RCBTB1: variants seen among roughly 807,000 people sequenced by gnomAD.
RCBTB1 encodes RCC1 and BTB domain containing protein 1, also known as RCC1 and BTB domain-containing protein 1.
Under a neutral mutation model 62.4 loss-of-function variants are expected in RCBTB1, and 46 were observed. The ratio of observed to expected loss-of-function variants is 0.74; its 90% CI spans 0.58 to 0.94. The LOEUF is 0.94. Ranked by LOEUF, RCBTB1 falls within the 40% of genes least tolerant of loss-of-function variation. The probability of loss-of-function intolerance (pLI) is 0.00; values close to 1 mark genes in which losing one functional copy is unlikely to be tolerated. For synonymous variants in RCBTB1, 222 were observed against 245.8 expected (o/e 0.90, Z 0.91); for missense variants, 565 against 654.9 (o/e 0.86, Z 1.50).
chr13:49,555,354 A>C (rs1961756325), intron 6 of RCBTB1, among the ~76,000 whole-genome samples, 161 bp downstream of exon 6: 1 of 152,230 alleles, frequency 6.6e-6, no homozygotes, highest in African/African-American at 2.4e-5. Flanking sequence ...ACTGAGGAGC[A>C]AAAAACCTCC....
chr13:49,555,491 G>A, intron 6 of RCBTB1, 24 bp downstream of exon 6: 2 of 1,600,676 alleles, frequency 1.2e-6, no homozygotes, highest in Non-Finnish European at 1.7e-6. Flanking sequence ...GGTAGAAAGG[G>A]AAATGGGAGT....
intron 10 of RCBTB1, among the ~76,000 whole-genome samples, chr13:49,544,268 G>C (rs1270604004): frequency 1.3e-5 from 2 of 152,106 alleles, no homozygotes; most frequent in Non-Finnish European, 2.9e-5. Context: ...TCGGGAGTTC[G>C]AGACCAACCT....
intron 4 of RCBTB1, among the ~76,000 whole-genome samples, chr13:49,565,924 A>G (rs1962956400): frequency 6.6e-6 from 1 of 151,490 alleles, no homozygotes; most frequent in Non-Finnish European, 1.5e-5. Flanking sequence ...ACTAAGAAAA[A>G]TTCTTCTGCC....
At chr13:49,578,099 A>C (rs2137384951) in intron 2 of RCBTB1, among the ~76,000 whole-genome samples, 1 of 152,346 alleles carries the variant, frequency 6.6e-6, no homozygotes, top group East Asian at 1.9e-4. Flanking sequence ...GTCCCTCAGT[A>C]TCTGTGGGGG....
chr13:49,583,435 A>C (rs897156567), intron 1 of RCBTB1, among the ~76,000 whole-genome samples: 1 of 151,950 alleles, frequency 6.6e-6, no homozygotes, highest in African/African-American at 2.4e-5. Context: ...TCTAACACAC[A>C]GTTGACTTAT....
chr13:49,570,410 T>C (rs11148150), intron 2 of RCBTB1, among the ~76,000 whole-genome samples: 34,136 of 152,082 alleles, frequency 0.22, 4,724 homozygotes, highest in East Asian at 0.55. Flanking sequence ...ATTCAAGAAA[T>C]AGGTCATGTA....
At chr13:49,544,888 T>C (rs1960676756) in intron 9 of RCBTB1, 25 bp from the exon 10 acceptor site, 8 of 1,594,244 alleles carry the variant, frequency 5.0e-6, no homozygotes, top group Non-Finnish European at 6.8e-6. Flanking sequence ...CATATATTAA[T>C]ATGGCAAGTT....
Position 49,567,314 on chromosome 13 carries a change from G to A in RCBTB1, c.-35C>T, listed in dbSNP as rs552760748. 3 of 1,607,370 alleles carry A rather than the reference G, an allele frequency of 1.9e-6. No individual in the cohort carries two copies. Among genetic ancestry groups the A allele is most frequent in the East Asian group, 2.2e-5 (1 of 44,716 alleles). ...TTCAAGCAATTCCTATAAATAAGCCGACATCTCTGCTGGAACAGAAAGGAT... is the reference window on the plus strand; with the variant it reads ...TTCAAGCAATTCCTATAAATAAGCCAACATCTCTGCTGGAACAGAAAGGAT... On this transcript the variant is annotated 5_prime_UTR_variant, in exon 3 of 13. Coordinates refer to ENST00000378302, the MANE Select transcript of RCBTB1 (RefSeq NM_018191.4).
chr13:49,570,548 T>C (rs965868939), intron 2 of RCBTB1, among the ~76,000 whole-genome samples: 2 of 152,246 alleles, frequency 1.3e-5, no homozygotes, highest in East Asian at 3.8e-4. Context: ...GACAGCTGTT[T>C]GCTGTTTTGA....
intron 2 of RCBTB1, among the ~76,000 whole-genome samples, chr13:49,567,588 C>T (rs964322257): frequency 2.0e-5 from 3 of 152,112 alleles, no homozygotes; most frequent in African/African-American, 7.2e-5. Context: ...TCCACATGTG[C>T]TTCCAACTCA....
intron 2 of RCBTB1, among the ~76,000 whole-genome samples, chr13:49,576,442 T>G (rs1963793874): frequency 6.6e-6 from 1 of 152,190 alleles, no homozygotes; most frequent in Admixed American, 6.5e-5. Context: ...TAGAAAGGTT[T>G]CAGTCCTAAA....
At chr13:49,556,331 C>T (rs1167409131) in intron 5 of RCBTB1, among the ~76,000 whole-genome samples, 2 of 151,858 alleles carry the variant, frequency 1.3e-5, no homozygotes, top group African/African-American at 4.8e-5. Context: ...GCTGGGACGA[C>T]AGGCGCCCGC....
intron 4 of RCBTB1, among the ~76,000 whole-genome samples, chr13:49,564,682 G>C (rs1314990790): frequency 6.6e-6 from 1 of 150,800 alleles, no homozygotes; most frequent in Non-Finnish European, 1.5e-5. Flanking sequence ...ACGAGGTCAG[G>C]AGATCGAGAC....
intron 5 of RCBTB1, among the ~76,000 whole-genome samples, chr13:49,557,757 C>T (rs956328404): frequency 2.0e-5 from 3 of 150,744 alleles, no homozygotes; most frequent in Non-Finnish European, 3.0e-5. Context: ...CTTGTCTCTA[C>T]AAAAAAAAAT....
At chr13:49,561,646 T>C (rs1201189791) in intron 4 of RCBTB1, among the ~76,000 whole-genome samples, 1 of 152,088 alleles carries the variant, frequency 6.6e-6, no homozygotes, top group African/African-American at 2.4e-5. Flanking sequence ...CATAAACTTA[T>C]AAAGTTTAAA....
At chr13:49,579,624 G>GAA (rs66531473) in intron 2 of RCBTB1, among the ~76,000 whole-genome samples, 1 of 139,024 alleles carries the variant, frequency 7.2e-6, no homozygotes. Flanking sequence ...ACTTGTCTCA[G>GAA]AAAAAAAAAA....
At chr13:49,569,408 T>C (rs1031367092) in intron 2 of RCBTB1, among the ~76,000 whole-genome samples, 1 of 145,184 alleles carries the variant, frequency 6.9e-6, no homozygotes, top group African/African-American at 2.6e-5. Context: ...ACCCCATTTC[T>C]ACAAAAAATA....
intron 10 of RCBTB1, among the ~76,000 whole-genome samples, chr13:49,542,660 A>G (rs1238457633): frequency 1.3e-5 from 2 of 151,882 alleles, no homozygotes; most frequent in Non-Finnish European, 2.9e-5. Context: ...TGATTATCCG[A>G]CAATTTTTCT....
chr13:49,566,263 AAT>A (rs1385593257), intron 4 of RCBTB1, among the ~76,000 whole-genome samples: 72 of 133,170 alleles, frequency 5.4e-4, no homozygotes, highest in African/African-American at 2.1e-3. Flanking sequence ...TCAATAAAAA[AAT>A]AAAATAAAAT....
Sources: allele counts gnomAD v4.1 joint callset (sites outside exome capture counted in the v4.1 genomes callset), GRCh38; gene constraint gnomAD v4.1.1; transcripts MANE v1.5; gene names NCBI Gene and HGNC (gene_info 2026-07-23, HGNC 2026-07-21).